Variants in ERC1 observed in about 807,000 individuals in gnomAD.
ERC1 encodes the protein ELKS/RAB6-interacting/CAST family member 1, also known as RAB6 interacting protein 2.
In ERC1, 56 loss-of-function variants were observed where a neutral mutation model predicts 132.0. The observed-to-expected ratio is 0.42, with a 90% CI of 0.34 to 0.53. The LOEUF (loss-of-function observed/expected upper bound fraction) is 0.53, where lower values mean the gene tolerates loss of function less well. Ranked by LOEUF, ERC1 falls within the 20% of genes least tolerant of loss-of-function variation. ERC1 has a pLI of 0.03. For missense variants in ERC1, 1,202 were observed against 1,349.9 expected (o/e 0.89, Z 1.72); for synonymous variants, 478 against 476.1 (o/e 1.00, Z -0.05).
Position 1,164,212 on chromosome 12 carries a change from G to C in ERC1, c.1738-16328G>C, listed in dbSNP as rs1340717349. Among the ~76,000 whole-genome samples, 3 of 147,622 alleles carry C rather than the reference G, an allele frequency of 2.0e-5. No homozygotes were observed. In the East Asian group the frequency reaches 5.8e-4, roughly 28 times the overall value. ...CTTCTGTTGTATTCTGTTGGTCATA[G>C]TAGTCACAGAACCTGCCCTTTTTAT... On this transcript the variant is annotated intron_variant, in intron 8 of 18. Transcript: ENST00000360905.
intron 12 of ERC1, 115 bp from the exon 13 acceptor site, chr12:1,236,654 A>AT: frequency 3.8e-6 from 4 of 1,040,778 alleles, no homozygotes; most frequent in Non-Finnish European, 4.0e-6. Flanking sequence ...CGCAGCATGT[A>AT]TTTATTCGTT....
chr12:1,100,894 T>C (rs1944586353), intron 3 of ERC1, among the ~76,000 whole-genome samples: 1 of 152,078 alleles, frequency 6.6e-6, no homozygotes, highest in Non-Finnish European at 1.5e-5. Context: ...AAGAGAAGCC[T>C]ACAAAGGACT....
intron 13 of ERC1, chr12:1,257,256 C>T (rs1254451296): frequency 6.6e-6 from 1 of 152,242 alleles, no homozygotes; most frequent in African/African-American, 2.4e-5. Flanking sequence ...AAGCAAAGGA[C>T]TGAATCCTGG....
intron 12 of ERC1, among the ~76,000 whole-genome samples, chr12:1,228,381 A>G (rs543590234): frequency 1.3e-5 from 2 of 152,372 alleles, no homozygotes; most frequent in Admixed American, 6.5e-5. Context: ...TAATTTTTGT[A>G]TATTTTATAT....
chr12:1,282,187 T>C (rs1049533434), intron 14 of ERC1, among the ~76,000 whole-genome samples: 4 of 152,192 alleles, frequency 2.6e-5, no homozygotes, highest in African/African-American at 9.7e-5. Context: ...TAAACACTGA[T>C]ACATGGTAGC....
Position 1,303,466 on chromosome 12 carries a change from C to T in ERC1, c.2780+13454C>T, listed in dbSNP as rs372014688. On this transcript the variant is annotated intron_variant, in intron 15 of 18. Transcript: ENST00000360905. ...CCTGGCTAACATGGTGAAACCCCGT[C>T]TCTACTAAAAATACAAAAAAAAATT... is the stretch of plus-strand genomic sequence containing the variant. 2.4e-4 allele frequency among the ~76,000 whole-genome samples: 37 copies of T among 151,124 alleles called. No individual in the cohort carries two copies. In the East Asian group the frequency reaches 6.9e-3, roughly 28 times the overall value.
At chr12:1,186,766 A>G (rs920902279) in intron 11 of ERC1, among the ~76,000 whole-genome samples, 2 of 152,372 alleles carry the variant, frequency 1.3e-5, no homozygotes, top group African/African-American at 2.4e-5. Context: ...ATAAGTGACT[A>G]TGGACAGAAG....
At chr12:1,223,874 AG>A (rs966121651) in intron 12 of ERC1, among the ~76,000 whole-genome samples, 76 of 152,292 alleles carry the variant, frequency 5.0e-4, no homozygotes, top group African/African-American at 1.8e-3. Flanking sequence ...ACAGCAGTTG[AG>A]AGAGTTTTAA....
intron 12 of ERC1, chr12:1,204,432 T>C: frequency 1.5e-6 from 2 of 1,324,944 alleles, no homozygotes; most frequent in Non-Finnish European, 2.1e-6. Flanking sequence ...TATTTCTGAA[T>C]ATTGTCCTTA....
At chr12:1,134,910 T>C (rs879687389) in intron 7 of ERC1, among the ~76,000 whole-genome samples, 1 of 152,060 alleles carries the variant, frequency 6.6e-6, no homozygotes, top group Non-Finnish European at 1.5e-5. Context: ...GTATTTTTAG[T>C]AGAGACAAGG....
At chr12:1,160,273 G>A (rs1951768062) in intron 8 of ERC1, among the ~76,000 whole-genome samples, 1 of 152,146 alleles carries the variant, frequency 6.6e-6, no homozygotes, top group African/African-American at 2.4e-5. Flanking sequence ...GTGATACATT[G>A]TAAGAAACTG....
In ERC1 at chr12:1,317,167, C is replaced by T. The variant is rs557429422; in HGVS notation, c.2780+27155C>T. Among the ~76,000 whole-genome samples the T allele has an allele frequency of 3.2e-4, 22 of 68,208 alleles. No homozygotes were observed. In the East Asian group the frequency reaches 5.4e-3, roughly 17 times the overall value. The allele number at this position is 68,208 out of a possible 152,430, so 44.7% of individuals were successfully genotyped here. ...CAAGAGAGAAACTCTGTCTCAAAAA[C>T]GAAAAAAAAAAAAAAAGAAAATGTG... On this transcript the variant is annotated intron_variant, in intron 15 of 18. Transcript: ENST00000360905.
chr12:1,104,915 G>A (rs772636935), intron 4 of ERC1, 91 bp downstream of exon 4: 6 of 763,218 alleles, frequency 7.9e-6, no homozygotes, highest in East Asian at 2.5e-5. Flanking sequence ...GAAATGGCAT[G>A]TAATAGTATT....
At chr12:1,049,747 CTTT>C (rs35361881) in intron 2 of ERC1, among the ~76,000 whole-genome samples, 5 of 113,006 alleles carry the variant, frequency 4.4e-5, no homozygotes, top group Non-Finnish European at 3.6e-5. Flanking sequence ...GTTTTGTGAT[CTTT>C]TTTTTTTTTT....
At chr12:1,325,836 A>G (rs1413406320) in intron 15 of ERC1, among the ~76,000 whole-genome samples, 4 of 152,072 alleles carry the variant, frequency 2.6e-5, no homozygotes, top group Non-Finnish European at 5.9e-5. Context: ...CCGTTTGTCT[A>G]TTCATTCCTT....
chr12:1,165,557 C>G (rs780815870), intron 8 of ERC1, among the ~76,000 whole-genome samples: 4 of 152,004 alleles, frequency 2.6e-5, no homozygotes, highest in Non-Finnish European at 5.9e-5. Context: ...CCACCCGCCT[C>G]GGCCTCCCAA....
chr12:1,453,641 C>A (rs879786730), intron 18 of ERC1, among the ~76,000 whole-genome samples: 2 of 152,148 alleles, frequency 1.3e-5, no homozygotes, highest in Non-Finnish European at 2.9e-5. Context: ...CCTTCTCTTA[C>A]CATTTTTTAC....
rs533569198 is a variant in ERC1, at chr12:1,481,023, T to A, written c.3214-9070T>A. On this transcript the variant is annotated intron_variant, in intron 18 of 18. Coordinates refer to ENST00000360905, the MANE Select transcript of ERC1 (RefSeq NM_178040.4). ...TAGATGCTGTTTTCTTCTATACATA[T>A]ATACCTGAGATAAAGTCTAGTTTAT... The A allele has an allele frequency of 5.3e-5, 32 of 608,288 alleles. 1 individual carries two copies. The South Asian group carries it at 5.3e-4, about 10-fold the overall frequency. The allele number at this position is 608,288 out of a possible 1,614,324, so 37.7% of individuals were successfully genotyped here.
At chr12:1,029,900 A>G (rs1453798736) in intron 2 of ERC1, among the ~76,000 whole-genome samples, 1 of 151,964 alleles carries the variant, frequency 6.6e-6, no homozygotes, top group Non-Finnish European at 1.5e-5. Flanking sequence ...GGTGCCCGCC[A>G]CCACGCCTGG....
Sources: allele counts gnomAD v4.1 joint callset (sites outside exome capture counted in the v4.1 genomes callset), GRCh38; gene constraint gnomAD v4.1.1; transcripts MANE v1.5; gene names NCBI Gene and HGNC (gene_info 2026-07-23, HGNC 2026-07-21).